The following MUSK variants were observed in gnomAD, a reference collection of about 807,000 sequenced individuals.
The protein encoded by MUSK is muscle associated receptor tyrosine kinase.
MUSK carries 55 observed loss-of-function variants against 88.7 expected under a neutral mutation model. The observed-to-expected ratio is 0.62, with a 90% CI of 0.50 to 0.78. The LOEUF (loss-of-function observed/expected upper bound fraction) is 0.78, where lower values mean the gene tolerates loss of function less well. Among genes scored for constraint, MUSK ranks in the 30% least tolerant of loss-of-function variants. The pLI is 0.00. For synonymous variants in MUSK, 387 were observed against 391.9 expected, an observed-to-expected ratio of 0.99 and a Z score of 0.15; for missense variants, 1,015 against 1,074.3, an observed-to-expected ratio of 0.94 and a Z score of 0.77.
At chr9:110,717,446 C>G (rs1005737720) in intron 5 of MUSK, among the ~76,000 whole-genome samples, 3 of 149,838 alleles carry the variant, frequency 2.0e-5, no homozygotes, top group Non-Finnish European at 2.9e-5. Flanking sequence ...TTCCCTCATC[C>G]TCTGTCACTT....
chr9:110,719,885 A>G (rs1210108283), intron 5 of MUSK, among the ~76,000 whole-genome samples: 1 of 152,110 alleles, frequency 6.6e-6, no homozygotes. Flanking sequence ...AAATTATATC[A>G]AATATTCTCT....
intron 3 of MUSK, 44 bp downstream of exon 3, chr9:110,687,312 G>C (rs1299290655): frequency 3.1e-6 from 5 of 1,605,938 alleles, no homozygotes; most frequent in Admixed American, 1.7e-5. Context: ...AAGTTGACTT[G>C]GTACACTTAG....
At chr9:110,733,004 C>T (rs776129315) in intron 5 of MUSK, among the ~76,000 whole-genome samples, 28 of 152,168 alleles carry the variant, frequency 1.8e-4, no homozygotes, top group Non-Finnish European at 3.5e-4. Context: ...CATTGTCCTG[C>T]GTATCTCCTT....
At chr9:110,689,761 CT>C (rs2076281864) in intron 3 of MUSK, among the ~76,000 whole-genome samples, 1 of 15,250 alleles carries the variant, frequency 6.6e-5, no homozygotes, top group East Asian at 1.4e-3. Flanking sequence ...TATATATAAA[CT>C]ATATATATCA....
At chr9:110,708,951 A>T (rs894533052) in intron 5 of MUSK, among the ~76,000 whole-genome samples, 2 of 152,182 alleles carry the variant, frequency 1.3e-5, no homozygotes, top group African/African-American at 4.8e-5. Context: ...TGAGTTTTTA[A>T]TATCAGTTTT....
At chr9:110,689,856 CTATATATTTAAATATAAA>C (rs1428969625) in intron 3 of MUSK, among the ~76,000 whole-genome samples, 4,341 of 69,804 alleles carry the variant, frequency 0.062, 167 homozygotes, top group East Asian at 0.1. Context: ...TTATATATAA[CTATATATTTAAATATAAA>C]TATATATTTA....
intron 6 of MUSK, among the ~76,000 whole-genome samples, chr9:110,739,813 G>A (rs1208918172): frequency 6.6e-6 from 1 of 152,160 alleles, no homozygotes; most frequent in Admixed American, 6.5e-5. Flanking sequence ...TGGGTGGATT[G>A]AGAATGGCTT....
At chr9:110,717,639 A>T (rs943248468) in intron 5 of MUSK, among the ~76,000 whole-genome samples, 2 of 149,950 alleles carry the variant, frequency 1.3e-5, no homozygotes, top group African/African-American at 5.1e-5. Flanking sequence ...ATTCAATTAG[A>T]TCTGTGAGCA....
At chr9:110,717,632 C>T (rs2076761127) in intron 5 of MUSK, among the ~76,000 whole-genome samples, 1 of 149,888 alleles carries the variant, frequency 6.7e-6, no homozygotes, top group African/African-American at 2.5e-5. Flanking sequence ...TTAGTTCATT[C>T]AATTAGATCT....
chr9:110,716,071 G>T (rs1213822789), intron 5 of MUSK, among the ~76,000 whole-genome samples: 1 of 149,544 alleles, frequency 6.7e-6, no homozygotes, highest in Non-Finnish European at 1.5e-5. Context: ...AACCACCGTG[G>T]CACACGTTTA....
chr9:110,732,007 C>G lies in MUSK; in HGVS notation c.629-2244C>G, dbSNP rs139900325. 7.0e-3 allele frequency among the ~76,000 whole-genome samples: 1,059 copies of G among 152,144 alleles called. 11 individuals carry two copies. Among genetic ancestry groups the G allele is most frequent in the African/African-American group, 0.024 (994 of 41,530 alleles). On this transcript the variant is annotated intron_variant, in intron 5 of 14. Coordinates refer to ENST00000374448, the MANE Select transcript of MUSK (RefSeq NM_005592.4). The stretch of plus-strand genomic sequence containing the variant: ...CTCTTGGCTTCATAAATTAAAGCAG[C>G]AAAACATAATCGAAATTACATTATT...
intron 7 of MUSK, among the ~76,000 whole-genome samples, chr9:110,755,979 C>CATATATATATACAT (rs2077316103): frequency 2.0e-5 from 2 of 102,518 alleles, no homozygotes; most frequent in Admixed American, 2.3e-4. Flanking sequence ...TATATATATA[C>CATATATATATACAT]ATATATATAT....
At chr9:110,739,092 T>G (rs4574919) in intron 6 of MUSK, among the ~76,000 whole-genome samples, 70,593 of 151,866 alleles carry the variant, frequency 0.46, 17,588 homozygotes, top group African/African-American at 0.61. Context: ...CTGCCAGACA[T>G]CCTTTAGATT....
chr9:110,694,143 C>T (rs1204053272), intron 3 of MUSK, among the ~76,000 whole-genome samples: 3 of 147,582 alleles, frequency 2.0e-5, no homozygotes, highest in African/African-American at 5.0e-5. Flanking sequence ...GAGGCCGAGG[C>T]GGGCAGAACA....
chr9:110,723,911 C>A (rs2076849629), intron 5 of MUSK, among the ~76,000 whole-genome samples: 1 of 152,044 alleles, frequency 6.6e-6, no homozygotes, highest in Non-Finnish European at 1.5e-5. Context: ...GCTCACACTC[C>A]TGTAAGCATA....
chr9:110,740,805 G>C (rs1040685268), intron 6 of MUSK, among the ~76,000 whole-genome samples: 2 of 152,162 alleles, frequency 1.3e-5, no homozygotes, highest in African/African-American at 4.8e-5. Flanking sequence ...GACTGGGAGT[G>C]AAGTTTCCCG....
intron 5 of MUSK, among the ~76,000 whole-genome samples, chr9:110,722,925 G>T (rs2076833353): frequency 6.6e-6 from 1 of 152,084 alleles, no homozygotes; most frequent in African/African-American, 2.4e-5. Context: ...CTTTTATATT[G>T]TTGTTGGGAA....
intron 3 of MUSK, 25 bp downstream of exon 3, chr9:110,687,293 T>C (rs1157668729): frequency 1.9e-6 from 3 of 1,612,352 alleles, no homozygotes; most frequent in Admixed American, 1.7e-5. Flanking sequence ...GATTCGTCTA[T>C]TGATTTGAAA....
intron 7 of MUSK, among the ~76,000 whole-genome samples, chr9:110,751,846 C>A (rs1435876277): frequency 1.3e-5 from 2 of 152,114 alleles, no homozygotes; most frequent in African/African-American, 2.4e-5. Flanking sequence ...TGACCATATA[C>A]AGAATCATAG....
Sources: gnomAD v4.1 joint callset for allele counts (sites outside exome capture counted in the v4.1 genomes callset) on GRCh38, gnomAD v4.1.1 for gene constraint, MANE v1.5 for transcripts, NCBI Gene and HGNC (gene_info 2026-07-23, HGNC 2026-07-21) for gene names.